HIP1: variants seen among roughly 807,000 people sequenced by gnomAD.
HIP1 encodes the protein huntingtin interacting protein 1.
A neutral mutation model predicts 147.6 loss-of-function variants in HIP1; 65 were observed. The ratio of observed to expected loss-of-function variants is 0.44; its 90% CI spans 0.36 to 0.54. HIP1 has a LOEUF of 0.54. HIP1 is among the 20% of genes least tolerant of loss of function. The probability of loss-of-function intolerance (pLI) is 0.00; values close to 1 mark genes in which losing one functional copy is unlikely to be tolerated. For synonymous variants in HIP1, 479 were observed against 504.0 expected (o/e 0.95, Z 0.67); for missense variants, 1,061 against 1,299.6 (o/e 0.82, Z 2.82).
chr7:75,696,885 C>T (rs1800657135), intron 1 of HIP1, among the ~76,000 whole-genome samples: 1 of 151,696 alleles, frequency 6.6e-6, no homozygotes, highest in Non-Finnish European at 1.5e-5. Flanking sequence ...CAGGCGTGAG[C>T]CACTGTGCCA....
chr7:75,579,131 T>A (rs1271063797), intron 7 of HIP1, among the ~76,000 whole-genome samples: 3 of 151,420 alleles, frequency 2.0e-5, no homozygotes, highest in Admixed American at 6.6e-5. Flanking sequence ...ATGCATTTTT[T>A]AAAAAATAAA....
chr7:75,677,109 C>T (rs1198833307), intron 1 of HIP1, among the ~76,000 whole-genome samples: 2 of 151,220 alleles, frequency 1.3e-5, no homozygotes, highest in Non-Finnish European at 2.9e-5. Flanking sequence ...GCAGGAGAAT[C>T]GCTTGAACCT....
At chr7:75,659,098 C>T (rs1197302003) in intron 1 of HIP1, among the ~76,000 whole-genome samples, 2 of 152,182 alleles carry the variant, frequency 1.3e-5, no homozygotes, top group East Asian at 1.9e-4. Context: ...GTCATTTTGT[C>T]TCGTCCTACT....
chr7:75,592,541 GA>G lies in HIP1; in HGVS notation c.185-28del, dbSNP rs782174783. 3.6e-5 allele frequency: 58 copies of G among 1,605,192 alleles called. 1 individual carries two copies. In the Middle Eastern group the frequency reaches 3.8e-3, roughly 106 times the overall value. ...TGAGGGGGGGTTATGGAAAACAACG[GA>G]TGGGCTCTGCCAGTCACTGCAGGGG... On this transcript the variant is annotated intron_variant, in intron 2 of 30. Transcript: ENST00000336926.
chr7:75,737,278 G>A (rs1198140382), intron 1 of HIP1, among the ~76,000 whole-genome samples: 1 of 151,848 alleles, frequency 6.6e-6, no homozygotes, highest in African/African-American at 2.4e-5. Context: ...CCCAGGTGGG[G>A]GGCCAAAGGT....
chr7:75,557,356 A>C (rs56271828), intron 16 of HIP1, among the ~76,000 whole-genome samples: 80,876 of 151,660 alleles, frequency 0.53, 21,970 homozygotes, highest in Middle Eastern at 0.64. Context: ...ACAAACAAAA[A>C]AAAACGCTCA....
At chr7:75,547,606 A>T in intron 24 of HIP1, 149 bp downstream of exon 24, 1 of 717,746 alleles carries the variant, frequency 1.4e-6, no homozygotes, top group Non-Finnish European at 2.5e-6. Flanking sequence ...TGTCATCATT[A>T]ATACTGTTAT....
chr7:75,555,519 T>C lies in HIP1; in HGVS notation c.1860A>G (p.Arg620=), dbSNP rs1794965855. The change falls in exon 19 of 31, where the codon CGA becomes CGG. Residue 620 remains arginine (R), a synonymous_variant. Coordinates refer to ENST00000336926, the MANE Select transcript of HIP1 (RefSeq NM_005338.7). ...ESMCQLAKDQ[R]KMLLVGSRKA... is the part of the protein sequence containing the mutation. ...TCCTGGACCCCACCAGAAGCATTTT[T>C]CGTTGGTCTTTGGCAAGCTGGCACA... The C allele has an allele frequency of 1.9e-6, 3 of 1,614,068 alleles. No individual in the cohort carries two copies. Among genetic ancestry groups the C allele is most frequent in the Non-Finnish European group, 1.7e-6 (2 of 1,180,030 alleles).
intron 1 of HIP1, among the ~76,000 whole-genome samples, chr7:75,728,787 CA>C (rs782634244): frequency 0.19 from 12,121 of 62,636 alleles, 593 homozygotes; most frequent in East Asian, 0.48. Flanking sequence ...GACTCTGTCT[CA>C]AAAAAAAAAA....
At chr7:75,737,929 T>C (rs739859) in intron 1 of HIP1, among the ~76,000 whole-genome samples, 15,858 of 152,198 alleles carry the variant, frequency 0.1, 1,066 homozygotes, top group Middle Eastern at 0.18. Context: ...TACAAATGAA[T>C]TGATGAACAC....
In HIP1 at chr7:75,537,637, T is replaced by C; in HGVS notation, c.*535A>G. 1 of 234,000 alleles carries C rather than the reference T, an allele frequency of 4.3e-6. No homozygotes were observed. Among genetic ancestry groups the C allele is most frequent in the Non-Finnish European group, 8.4e-6 (1 of 118,614 alleles). 14.5% of individuals were successfully genotyped at this position (234,000 alleles called of 1,614,324 possible). On this transcript the variant is annotated 3_prime_UTR_variant, in exon 31 of 31. Transcript: ENST00000336926. ...ATTCACAGCCAGGACACTCCTGCCG[T>C]CCTTCTGACTGTGCAGATCTCAGGG...
Position 75,728,505 on chromosome 7 carries a change from C to A in HIP1, c.120+10296G>T, listed in dbSNP as rs150762869. On this transcript the variant is annotated intron_variant, in intron 1 of 30. Transcript: ENST00000336926. ...CCACTGCACAAGGCTGTGCCCGCTG[C>A]CACACCCAGGTCTCCGCCACACCTC... 1.1e-3 allele frequency among the ~76,000 whole-genome samples: 172 copies of A among 152,320 alleles called. 1 individual carries two copies. Among genetic ancestry groups the A allele is most frequent in the African/African-American group, 3.8e-3 (159 of 41,572 alleles).
chr7:75,685,640 C>T (rs1800235726), intron 1 of HIP1, among the ~76,000 whole-genome samples: 1 of 152,206 alleles, frequency 6.6e-6, no homozygotes, highest in African/African-American at 2.4e-5. Context: ...CCTCCAACTC[C>T]TGGGTTCAAG....
In HIP1 at chr7:75,574,162, G is replaced by A. The variant is rs587657055; in HGVS notation, c.605-261C>T. Among the ~76,000 whole-genome samples the A allele has an allele frequency of 3.6e-4, 55 of 151,770 alleles. 2 individuals are homozygous for A. In the South Asian group the frequency reaches 7.9e-3, roughly 22 times the overall value. Reference sequence around the variant, plus strand: ...GGTTTTGTTAGCCGAGCATGGTGGCGCATGCCTGTAATCCCAGCTACTCAG... The same window carrying A: ...GGTTTTGTTAGCCGAGCATGGTGGCACATGCCTGTAATCCCAGCTACTCAG... On this transcript the variant is annotated intron_variant, in intron 7 of 30. Coordinates refer to ENST00000336926, the MANE Select transcript of HIP1 (RefSeq NM_005338.7).
intron 1 of HIP1, among the ~76,000 whole-genome samples, chr7:75,623,059 G>A (rs1010983676): frequency 2.0e-5 from 3 of 151,088 alleles, no homozygotes; most frequent in Non-Finnish European, 3.0e-5. Context: ...TTAGCCAGGC[G>A]TGGTGGTGCG....
At chr7:75,556,667 CAGA>C (rs1795016133) in intron 17 of HIP1, 40 bp downstream of exon 17, 4 of 1,252,382 alleles carry the variant, frequency 3.2e-6, no homozygotes, top group Non-Finnish European at 2.3e-6. Context: ...ACCTGAGTGA[CAGA>C]AGAAGACTCT....
intron 25 of HIP1, among the ~76,000 whole-genome samples, chr7:75,545,927 G>A (rs905813714): frequency 9.9e-5 from 15 of 152,068 alleles, no homozygotes; most frequent in Non-Finnish European, 1.9e-4. Flanking sequence ...GCGACAGAGC[G>A]AGACTCAGTC....
chr7:75,574,714 A>G (rs1795776873), intron 7 of HIP1, among the ~76,000 whole-genome samples: 1 of 152,144 alleles, frequency 6.6e-6, no homozygotes, highest in African/African-American at 2.4e-5. Flanking sequence ...GAGTCAGAAT[A>G]TTCAGTGCAT....
At chr7:75,571,730 A>C (rs1795642884) in intron 8 of HIP1, among the ~76,000 whole-genome samples, 1 of 152,042 alleles carries the variant, frequency 6.6e-6, no homozygotes, top group Non-Finnish European at 1.5e-5. Flanking sequence ...CTACAGGCGC[A>C]TGTCACCATG....
Sources: allele counts gnomAD v4.1 joint callset (sites outside exome capture counted in the v4.1 genomes callset), GRCh38; gene constraint gnomAD v4.1.1; transcripts MANE v1.5; gene names NCBI Gene and HGNC (gene_info 2026-07-23, HGNC 2026-07-21).